Variants in PLA2R1 observed in about 807,000 individuals in gnomAD.
PLA2R1 encodes phospholipase A2 receptor 1, also known as secretory phospholipase A2 receptor.
PLA2R1 carries 158 observed loss-of-function variants against 195.9 expected under a neutral mutation model. The ratio of observed to expected loss-of-function variants is 0.81; its 90% CI spans 0.71 to 0.92. PLA2R1 has a LOEUF of 0.92. Ranked by LOEUF, PLA2R1 falls within the 40% of genes least tolerant of loss-of-function variation. The pLI, the probability that PLA2R1 is intolerant of heterozygous loss-of-function variation, is 0.00. For synonymous variants in PLA2R1, 586 were observed against 598.2 expected (o/e 0.98, Z 0.30); for missense variants, 1,626 against 1,764.6 (o/e 0.92, Z 1.41).
chr2:160,016,661 T>G lies in PLA2R1; in HGVS notation c.1504A>C (p.Lys502Gln). 1 of 1,610,846 alleles carries G rather than the reference T, an allele frequency of 6.2e-7. No individual in the cohort carries two copies. Among genetic ancestry groups the G allele is most frequent in the Non-Finnish European group, 8.5e-7 (1 of 1,177,000 alleles). The change falls in exon 9 of 30, where the codon AAA becomes CAA. Residue 502 changes from lysine to glutamine, a missense_variant. Physicochemically the swap from Lys to Gln is moderately conservative, Grantham distance 53. Transcript: ENST00000283243. ...NCEERLFYIC[K>Q]KAGHVLSDAE... ...TCAGAGAGGACATGGCCTGCTTTTT[T>G]ACAAATGTAAAAAAGTCTTTCTTCA...
At chr2:160,025,588 CA>C (rs56365741) in intron 6 of PLA2R1, among the ~76,000 whole-genome samples, 18,321 of 52,506 alleles carry the variant, frequency 0.35, 1,126 homozygotes, top group Non-Finnish European at 0.41. Flanking sequence ...AACCATAAAG[CA>C]AAAAAAAAAA....
Position 159,938,897 on chromosome 2 carries a change from T to G in PLA2R1, c.*2881A>C, listed in dbSNP as rs1686953617. 6.6e-6 allele frequency: 1 copy of G among 152,192 alleles called. No homozygotes were observed. The highest frequency in any genetic ancestry group is 2.4e-5 in the African/African-American group (1 of 41,444). The allele number at this position is 152,192 out of a possible 1,614,324, so 9.4% of individuals were successfully genotyped here. A position where few individuals can be genotyped will look rare whatever the true frequency, so the allele number is the denominator to read the frequency against. ...AGAAATATTTAACCCGAAAGAAGACTGTTGTAACTGTAAGAGCCCAATATA... is the reference window on the plus strand; with the variant it reads ...AGAAATATTTAACCCGAAAGAAGACGGTTGTAACTGTAAGAGCCCAATATA... On this transcript the variant is annotated 3_prime_UTR_variant, in exon 30 of 30. Coordinates refer to ENST00000283243, the MANE Select transcript of PLA2R1 (RefSeq NM_007366.5).
Position 159,941,945 on chromosome 2 carries a change from C to T in PLA2R1, c.4225G>A (p.Val1409Ile), listed in dbSNP as rs770788723. ...GAAAGTGTGCAAATGGCCACAATGA[C>T]TATCAGTGTCAGTACAACCGCAAGA... Reference protein sequence around the residue: ...IPLAVVLTLIVIVAICTLSFC... With the variant: ...IPLAVVLTLIIIVAICTLSFC... The change falls in exon 30 of 30, where the codon GTC becomes ATC. Residue 1409 changes from valine to isoleucine, a missense_variant. Coordinates refer to ENST00000283243, the MANE Select transcript of PLA2R1 (RefSeq NM_007366.5). The T allele has an allele frequency of 1.2e-6, 2 of 1,613,904 alleles. No individual in the cohort carries two copies.
intron 25 of PLA2R1, 109 bp downstream of exon 25, chr2:159,949,499 G>C: frequency 1.4e-6 from 1 of 709,816 alleles, no homozygotes. Context: ...GAGGCTTCTT[G>C]AAGAGAGACT....
chr2:159,997,891 T>C (rs1251503220), intron 11 of PLA2R1, among the ~76,000 whole-genome samples: 1 of 152,186 alleles, frequency 6.6e-6, no homozygotes, highest in Non-Finnish European at 1.5e-5. Context: ...TATATGCTCG[T>C]CTGGGAACTG....
In PLA2R1 at chr2:160,044,858, T is replaced by C; in HGVS notation, c.409A>G (p.Thr137Ala). ...ATATACTTCCGTGAGGCCACCACTG[T>C]GTTGTCATGCGCCACCTGGACAGAG... ...QYSVQVAHDN[T>A]VVASRKYIHK... Residue 137 changes from threonine (T) to alanine (A), a missense_variant, in exon 2 of 30, where the codon ACA becomes GCA. Coordinates refer to ENST00000283243, the MANE Select transcript of PLA2R1 (RefSeq NM_007366.5). 1.2e-6 allele frequency: 2 copies of C among 1,614,070 alleles called. No homozygotes were observed. Among genetic ancestry groups the C allele is most frequent in the African/African-American group, 1.3e-5 (1 of 75,044 alleles).
intron 23 of PLA2R1, among the ~76,000 whole-genome samples, chr2:159,952,735 A>G (rs1329496958): frequency 1.3e-5 from 2 of 152,172 alleles, no homozygotes; most frequent in Non-Finnish European, 2.9e-5. Context: ...CAAGGCACAC[A>G]CTATTGTATG....
Position 160,028,235 on chromosome 2 carries a change from A to G in PLA2R1, c.1082T>C (p.Ile361Thr). ...ACGCTTACCAACTATTTCATGATCA[A>G]TGTGGTTTAGATATTTTTTACATAT... is the stretch of plus-strand genomic sequence containing the variant. ...PYICKKYLNHIDHEIVEKDAW... is the reference protein window; with the variant it reads ...PYICKKYLNHTDHEIVEKDAW... The change falls in exon 6 of 30, where the codon ATT becomes ACT. Residue 361 changes from isoleucine (I) to threonine (T), a missense_variant. Coordinates refer to ENST00000283243, the MANE Select transcript of PLA2R1 (RefSeq NM_007366.5). 2 of 1,597,164 alleles carry G rather than the reference A, an allele frequency of 1.3e-6. No individual in the cohort carries two copies. Among genetic ancestry groups the G allele is most frequent in the Non-Finnish European group, 1.7e-6 (2 of 1,173,166 alleles).
intron 10 of PLA2R1, among the ~76,000 whole-genome samples, chr2:160,011,936 C>T (rs763399120): frequency 2.2e-4 from 31 of 141,476 alleles, no homozygotes; most frequent in Non-Finnish European, 3.6e-4. Context: ...TGCTATCAAT[C>T]CATTTGAGTG....
chr2:160,016,707 TC>T lies in PLA2R1; in HGVS notation c.1457del (p.Gly486AspfsTer65), dbSNP rs763202206. On this transcript the variant is annotated frameshift_variant, in exon 9 of 30. Transcript: ENST00000283243. LOFTEE classifies it high-confidence loss of function. ...CTTCACAATTTTTGACTTTCCAGTG[TC>T]CCTCCTACGGAGAAAAATGTTACAA... ...QLCVSAEQSE[G>X]HWKVKNCEER... 6 of 1,547,238 alleles carry T rather than the reference TC, an allele frequency of 3.9e-6. No individual in the cohort carries two copies. Among genetic ancestry groups the T allele is most frequent in the Non-Finnish European group, 5.4e-6 (6 of 1,119,278 alleles).
intron 11 of PLA2R1, among the ~76,000 whole-genome samples, chr2:159,996,685 A>T (rs1691235219): frequency 1.3e-5 from 2 of 152,146 alleles, no homozygotes; most frequent in Admixed American, 6.6e-5. Context: ...CACAGTTTGA[A>T]GTTGTCCCAC....
intron 10 of PLA2R1, among the ~76,000 whole-genome samples, chr2:160,011,320 TCTTCA>T (rs1399103989): frequency 6.6e-6 from 1 of 152,244 alleles, no homozygotes; most frequent in African/African-American, 2.4e-5. Context: ...TATTCTACCT[TCTTCA>T]CTTATTTCTT....
chr2:159,942,428 T>C (rs774634572), intron 28 of PLA2R1, among the ~76,000 whole-genome samples: 3 of 152,236 alleles, frequency 2.0e-5, no homozygotes, highest in Admixed American at 6.5e-5. Flanking sequence ...CTTTGATTTA[T>C]TGTAATCATC....
At chr2:160,043,991 A>C (rs1159969567) in intron 2 of PLA2R1, among the ~76,000 whole-genome samples, 2 of 152,166 alleles carry the variant, frequency 1.3e-5, no homozygotes, top group Non-Finnish European at 2.9e-5. Flanking sequence ...TGCCTGATGA[A>C]TGTGGGGTGG....
chr2:159,929,750 C>T (rs1686545774), downstream of PLA2R1, among the ~76,000 whole-genome samples: 1 of 151,840 alleles, frequency 6.6e-6, no homozygotes, highest in Non-Finnish European at 1.5e-5. Flanking sequence ...TGGGACCAGC[C>T]CAAATGCCCA....
At chr2:160,052,381 A>C (rs1174072941) in intron 1 of PLA2R1, among the ~76,000 whole-genome samples, 1 of 152,180 alleles carries the variant, frequency 6.6e-6, no homozygotes, top group Non-Finnish European at 1.5e-5. Flanking sequence ...CTCATTTAGC[A>C]GTTGCTGACC....
rs997787646 is a variant in PLA2R1 at position 159,958,326 on chromosome 2, T to C, written c.2905-1699A>G. Among the ~76,000 whole-genome samples the C allele has an allele frequency of 8.6e-5, 13 of 152,002 alleles. No homozygotes were observed. In the East Asian group the frequency reaches 1.7e-3, roughly 20 times the overall value. The stretch of plus-strand genomic sequence containing the variant: ...GTTATCTTCTGCCATGATTGTAAGC[T>C]CCCTGAGGCCCTCACCAGTAGCAGG... On this transcript the variant is annotated intron_variant, in intron 20 of 29. Transcript: ENST00000283243.
At chr2:160,028,801 G>A (rs1403509602) in intron 5 of PLA2R1, 49 bp downstream of exon 5, 2 of 1,030,464 alleles carry the variant, frequency 1.9e-6, no homozygotes, top group Non-Finnish European at 3.1e-6. Flanking sequence ...GCTGTGTAAG[G>A]GTGCAAGATG....
chr2:159,993,954 G>T (rs549171395), intron 11 of PLA2R1, among the ~76,000 whole-genome samples: 2 of 151,938 alleles, frequency 1.3e-5, no homozygotes, highest in African/African-American at 4.8e-5. Flanking sequence ...TGTACCACGG[G>T]GTAACAAAAA....
Sources: allele counts gnomAD v4.1 joint callset (sites outside exome capture counted in the v4.1 genomes callset), GRCh38; gene constraint gnomAD v4.1.1; transcripts MANE v1.5; gene names NCBI Gene and HGNC (gene_info 2026-07-23, HGNC 2026-07-21).